The following USP10 variants were observed in gnomAD, a reference collection of about 807,000 sequenced individuals.
The protein encoded by USP10 is ubiquitin carboxyl-terminal hydrolase 10.
Under a neutral mutation model 84.5 loss-of-function variants are expected in USP10, and 22 were observed. The ratio of observed to expected loss-of-function variants is 0.26; its 90% confidence interval spans 0.19 to 0.37. The LOEUF (loss-of-function observed/expected upper bound fraction) is 0.37, where lower values mean the gene tolerates loss of function less well. USP10 is among the 10% of genes least tolerant of loss of function. USP10 has a pLI of 1.00. For missense variants in USP10, 1,019 were observed against 998.9 expected, an observed-to-expected ratio of 1.02 and a Z score of -0.27; for synonymous variants, 454 against 387.6, an observed-to-expected ratio of 1.17 and a Z score of -2.01.
In USP10 at chr16:84,775,181, A is replaced by C. The variant is rs767206798; in HGVS notation, c.2165A>C (p.Lys722Thr). 6.2e-7 allele frequency: 1 copy of C among 1,613,834 alleles called. No individual in the cohort carries two copies. The highest frequency in any genetic ancestry group is 8.5e-7 in the Non-Finnish European group (1 of 1,179,754). ...CCAGAACTGCTTTCTCCAGGGGTTA[A>C]AAATAAGAATTTTAAATGCCACCGA... ...ISKELLSPGV[K>T]NKNFKCHRTY... Residue 722 changes from lysine to threonine, a missense_variant, in exon 13 of 14, where the codon AAA (lysine) becomes ACA (threonine). Coordinates refer to ENST00000219473, the MANE Select transcript of USP10 (RefSeq NM_005153.3).
chr16:84,773,577 A>G (rs149477834), intron 12 of USP10, among the ~76,000 whole-genome samples: 48 of 152,304 alleles, frequency 3.2e-4, no homozygotes, highest in African/African-American at 1.1e-3. Context: ...CCTGCACACA[A>G]GAGCTGTGCT....
intron 1 of USP10, chr16:84,716,630 CT>C (rs1907049721): frequency 6.6e-6 from 1 of 152,150 alleles, no homozygotes; most frequent in Non-Finnish European, 1.5e-5. Flanking sequence ...AGTAGGACTT[CT>C]TCAGAGCATG....
chr16:84,716,751 G>A (rs898812613), intron 1 of USP10, among the ~76,000 whole-genome samples: 1 of 152,100 alleles, frequency 6.6e-6, no homozygotes, highest in African/African-American at 2.4e-5. Context: ...AGGCAGAGAC[G>A]CCCATTACAC....
At chr16:84,765,714 G>C (rs1230452081) in intron 10 of USP10, among the ~76,000 whole-genome samples, 1 of 152,132 alleles carries the variant, frequency 6.6e-6, no homozygotes, top group East Asian at 1.9e-4. Context: ...GTTGTGAACT[G>C]ATTGGAAGCA....
intron 2 of USP10, among the ~76,000 whole-genome samples, chr16:84,735,023 A>G (rs146989984): frequency 7.3e-5 from 11 of 151,012 alleles, no homozygotes; most frequent in African/African-American, 1.2e-4. Context: ...TTTTATTTCT[A>G]TTTTTTCTTT....
intron 1 of USP10, among the ~76,000 whole-genome samples, chr16:84,731,283 CTT>C (rs531027465): frequency 2.1e-4 from 30 of 142,504 alleles, no homozygotes; most frequent in Non-Finnish European, 1.9e-4. Flanking sequence ...CCGGCCTCTA[CTT>C]TTTTTTTTTT....
chr16:84,738,150 C>A (rs1468294400), intron 2 of USP10, among the ~76,000 whole-genome samples: 2 of 152,120 alleles, frequency 1.3e-5, no homozygotes, highest in East Asian at 3.9e-4. Flanking sequence ...GTCTTCCCAG[C>A]CTGCTGCAGT....
At chr16:84,763,364 G>A (rs901918161) in intron 9 of USP10, among the ~76,000 whole-genome samples, 3 of 152,120 alleles carry the variant, frequency 2.0e-5, no homozygotes, top group Non-Finnish European at 2.9e-5. Flanking sequence ...TATAATTGCC[G>A]AGTGTACAGT....
intron 1 of USP10, among the ~76,000 whole-genome samples, chr16:84,719,369 G>A (rs1245890154): frequency 6.6e-6 from 1 of 152,104 alleles, no homozygotes; most frequent in Admixed American, 6.6e-5. Context: ...CTTGGATCAC[G>A]GGAATGCCCC....
chr16:84,758,757 T>C lies in USP10; in HGVS notation c.1234T>C (p.Leu412=). 6.2e-7 allele frequency: 1 copy of C among 1,613,950 alleles called. No homozygotes were observed. The highest frequency in any genetic ancestry group is 8.5e-7 in the Non-Finnish European group (1 of 1,179,806). Residue 412 remains leucine (L), a synonymous_variant, in exon 5 of 14, where the codon TTG becomes CTG. Transcript: ENST00000219473. The part of the protein sequence containing the change: ...NVTLIHKPVS[L]QPRGLINKGN... ...AACCCTAATCCATAAACCAGTGTCG[T>C]TGCAACCCCGTGGGCTGATCAATAA... is the stretch of plus-strand genomic sequence containing the variant.
intron 1 of USP10, among the ~76,000 whole-genome samples, chr16:84,704,540 C>G (rs751578781): frequency 5.3e-5 from 8 of 152,168 alleles, no homozygotes; most frequent in Non-Finnish European, 1.0e-4. Flanking sequence ...GAAGTGTTCT[C>G]CCAAAAGGTC....
At chr16:84,733,681 T>A (rs1042312297) in intron 2 of USP10, among the ~76,000 whole-genome samples, 178 bp downstream of exon 2, 2 of 152,250 alleles carry the variant, frequency 1.3e-5, no homozygotes, top group African/African-American at 4.8e-5. Context: ...GACATTTTGC[T>A]GTATTTACTT....
At chr16:84,757,401 GGGTGT>G (rs1567636484) in intron 4 of USP10, among the ~76,000 whole-genome samples, 10 of 26,102 alleles carry the variant, frequency 3.8e-4, no homozygotes, top group Non-Finnish European at 9.6e-4. Context: ...AGAGGGGTGG[GGGTGT>G]GTGTGTGTGT....
intron 1 of USP10, chr16:84,704,832 C>T (rs1905269417): frequency 1.3e-6 from 2 of 1,535,644 alleles, no homozygotes. Context: ...AACATCATGC[C>T]CTGGTTGCCC....
At position 84,745,664 on chromosome 16, in the gene USP10, A is replaced by G; in HGVS notation, c.1183A>G (p.Lys395Glu). Residue 395 changes from lysine to glutamate, a missense_variant, in exon 4 of 14, where the codon AAG becomes GAG. By Grantham distance (56) the Lys-to-Glu change is moderately conservative (BLOSUM62 1). Transcript: ENST00000219473. ...VPVSEDPVAI[K>E]IAELLENVTL... ...GGTTTCAGAGGATCCTGTAGCCATA[A>G]AGATTGCAGGTATAGTTGAAAAGAT... is the stretch of plus-strand genomic sequence containing the variant. 6.2e-7 allele frequency: 1 copy of G among 1,609,866 alleles called. No homozygotes were observed. Among genetic ancestry groups the G allele is most frequent in the Non-Finnish European group, 8.5e-7 (1 of 1,177,812 alleles).
intron 4 of USP10, among the ~76,000 whole-genome samples, chr16:84,750,503 G>A (rs1911803460): frequency 6.6e-6 from 1 of 152,146 alleles, no homozygotes; most frequent in African/African-American, 2.4e-5. Flanking sequence ...GACACGTGGG[G>A]AGTGCCTTTG....
At chr16:84,712,443 A>G (rs911678904) in intron 1 of USP10, among the ~76,000 whole-genome samples, 8 of 152,200 alleles carry the variant, frequency 5.3e-5, no homozygotes, top group African/African-American at 7.2e-5. Flanking sequence ...TGCCTAGCAC[A>G]GTGGGCACTC....
chr16:84,730,699 C>T (rs1275696595), intron 1 of USP10, among the ~76,000 whole-genome samples: 3 of 152,112 alleles, frequency 2.0e-5, no homozygotes, highest in Non-Finnish European at 4.4e-5. Flanking sequence ...TTTATCAAAT[C>T]ATTTGGATTT....
At position 84,764,267 on chromosome 16, in the gene USP10, T is replaced by C; in HGVS notation, c.1832+4T>C. The C allele has an allele frequency of 6.2e-7, 1 of 1,614,028 alleles. No homozygotes were observed. The highest frequency in any genetic ancestry group is 8.5e-7 in the Non-Finnish European group (1 of 1,179,886). The stretch of plus-strand genomic sequence containing the variant: ...GCATTTTTGGTGGACACATCAGGTT[T>C]GTGCTTTTCTGGAATAACTTAATAT... On this transcript the variant is annotated splice_donor_region_variant and intron_variant, in intron 10 of 13. Coordinates refer to ENST00000219473, the MANE Select transcript of USP10 (RefSeq NM_005153.3).
Sources: gnomAD v4.1 joint callset for allele counts (sites outside exome capture counted in the v4.1 genomes callset) on GRCh38, gnomAD v4.1.1 for gene constraint, MANE v1.5 for transcripts, NCBI Gene and HGNC (gene_info 2026-07-23, HGNC 2026-07-21) for gene names.